ZNF189: variants seen among roughly 807,000 people sequenced by gnomAD.
The protein encoded by ZNF189 is zinc finger protein 189.
A neutral mutation model predicts 53.5 loss-of-function variants in ZNF189; 33 were observed. The ratio of observed to expected loss-of-function variants is 0.62; its 90% CI spans 0.47 to 0.82. ZNF189 has a LOEUF of 0.82. ZNF189 is among the 40% of genes least tolerant of loss of function. The probability of loss-of-function intolerance (pLI) is 0.00; values close to 1 mark genes in which losing one functional copy is unlikely to be tolerated. For synonymous variants in ZNF189, 247 were observed against 238.8 expected (o/e 1.03, Z -0.32); for missense variants, 711 against 753.9 (o/e 0.94, Z 0.67).
At chr9:101,403,403 A>G (rs17766676) in intron 2 of ZNF189, among the ~76,000 whole-genome samples, 12,151 of 152,124 alleles carry the variant, frequency 0.08, 555 homozygotes, top group Middle Eastern at 0.16. Context: ...CTTTGGTGAG[A>G]GCTCCCTTGA....
chr9:101,402,222 T>A (rs1170229598), intron 2 of ZNF189, among the ~76,000 whole-genome samples: 1 of 151,670 alleles, frequency 6.6e-6, no homozygotes, highest in African/African-American at 2.4e-5. Context: ...GGCCCAAATC[T>A]TTATTTCCAC....
rs770167996 is a variant in ZNF189, at chr9:101,399,979, G to C, written c.129G>C (p.Met43Ile). The change falls in exon 2 of 3, where the codon ATG (methionine) becomes ATC (isoleucine). Residue 43 changes from methionine (M) to isoleucine (I), a missense_variant. Physicochemically the swap from Met to Ile is conservative, Grantham distance 10. Coordinates refer to ENST00000339664, the MANE Select transcript of ZNF189 (RefSeq NM_003452.4). ...PAQRSLYKDV[M>I]MENYGNLVSL... Reference sequence around the variant, plus strand: ...AGAGAAGCCTGTATAAAGATGTCATGATGGAGAATTATGGAAACCTGGTCT... The same window carrying C: ...AGAGAAGCCTGTATAAAGATGTCATCATGGAGAATTATGGAAACCTGGTCT... 1.2e-6 allele frequency: 2 copies of C among 1,614,018 alleles called. No homozygotes were observed. Among genetic ancestry groups the C allele is most frequent in the South Asian group, 2.2e-5 (2 of 91,082 alleles).
chr9:101,408,476 G>A lies in ZNF189; in HGVS notation c.708G>A (p.Gln236=), dbSNP rs1830803750. ...GAGAAAGACCCTATCAGTGTAATCA[G>A]TGTAAACAGAGCTTCAGCCAGAGAA... The part of the protein sequence containing the change: ...HTGERPYQCN[Q]CKQSFSQRRS... Residue 236 remains glutamine, a synonymous_variant, in exon 3 of 3, where the codon CAG becomes CAA. Coordinates refer to ENST00000339664, the MANE Select transcript of ZNF189 (RefSeq NM_003452.4). The A allele has an allele frequency of 1.9e-6, 3 of 1,614,012 alleles. No individual in the cohort carries two copies. The highest frequency in any genetic ancestry group is 2.5e-6 in the Non-Finnish European group (3 of 1,180,030).
intron 2 of ZNF189, among the ~76,000 whole-genome samples, chr9:101,406,313 G>A (rs962014497): frequency 5.3e-5 from 8 of 152,146 alleles, no homozygotes; most frequent in African/African-American, 1.9e-4. Flanking sequence ...TGGTAGGAAA[G>A]TGTCAATAGA....
At position 101,409,056 on chromosome 9, in the gene ZNF189, T is replaced by A; in HGVS notation, c.1288T>A (p.Tyr430Asn). 6.2e-7 allele frequency: 1 copy of A among 1,614,108 alleles called. No individual in the cohort carries two copies. Among genetic ancestry groups the A allele is most frequent in the Non-Finnish European group, 8.5e-7 (1 of 1,180,002 alleles). The change falls in exon 3 of 3, where the codon TAC becomes AAC. Residue 430 changes from tyrosine to asparagine, a missense_variant. Coordinates refer to ENST00000339664, the MANE Select transcript of ZNF189 (RefSeq NM_003452.4). ...RIHTREKTYP[Y>N]NETKESFDPN... ...TCACACCAGGGAGAAGACTTATCCA[T>A]ACAATGAAACTAAGGAAAGTTTTGA...
chr9:101,402,258 C>T (rs1830564780), intron 2 of ZNF189, among the ~76,000 whole-genome samples: 1 of 151,850 alleles, frequency 6.6e-6, no homozygotes, highest in African/African-American at 2.4e-5. Context: ...TGGAGCCTAA[C>T]TGCCTAGGTT....
intron 2 of ZNF189, among the ~76,000 whole-genome samples, chr9:101,405,849 G>A (rs888225911): frequency 6.6e-6 from 1 of 152,100 alleles, no homozygotes; most frequent in Non-Finnish European, 1.5e-5. Flanking sequence ...GCTGAGGTGG[G>A]TGGATCACCT....
At chr9:101,399,511 C>T in intron 1 of ZNF189, 1 of 1,283,594 alleles carries the variant, frequency 7.8e-7, no homozygotes, top group Non-Finnish European at 9.8e-7. Context: ...CTGTTCCTGG[C>T]ACAGTGCCTG....
intron 2 of ZNF189, among the ~76,000 whole-genome samples, chr9:101,404,078 G>A (rs1404383003): frequency 6.6e-6 from 1 of 152,158 alleles, no homozygotes; most frequent in Non-Finnish European, 1.5e-5. Context: ...TAGAAAAATT[G>A]GCCATGACCA....
chr9:101,409,292 T>C lies in ZNF189; in HGVS notation c.1524T>C (p.Gly508=). Residue 508 remains glycine (G), a synonymous_variant, in exon 3 of 3, where the codon GGT becomes GGC. Coordinates refer to ENST00000339664, the MANE Select transcript of ZNF189 (RefSeq NM_003452.4). ...TTGAACATCAGAGAATCCACACTGG[T>C]GAGAGACCCTATCTGTGCAGACAGT... ...FLIEHQRIHT[G]ERPYLCRQCG... The C allele has an allele frequency of 1.9e-6, 3 of 1,614,134 alleles. No individual in the cohort carries two copies. The highest frequency in any genetic ancestry group is 1.7e-6 in the Non-Finnish European group (2 of 1,180,008).
rs1342737367 is a variant in ZNF189 at position 101,400,073 on chromosome 9, G to A, written c.160+63G>A. On this transcript the variant is annotated intron_variant, in intron 2 of 2. Transcript: ENST00000339664. ...AAGGTAGAGAGAAATCAGACTAACA[G>A]AACATTTGGACGGAAACCAGTACCA... 1.8e-5 allele frequency: 29 copies of A among 1,584,872 alleles called. No homozygotes were observed. In the East Asian group the frequency reaches 5.8e-4, roughly 32 times the overall value.
Position 101,409,193 on chromosome 9 carries a change from A to C in ZNF189, c.1425A>C (p.Gln475His). 1 of 1,614,054 alleles carries C rather than the reference A, an allele frequency of 6.2e-7. No homozygotes were observed. The highest frequency in any genetic ancestry group is 1.1e-5 in the South Asian group (1 of 91,084). ...FSVSAHLVQHQRIHTGEKPYL... is the reference protein window; with the variant it reads ...FSVSAHLVQHHRIHTGEKPYL... ...TTAGTGCTCATCTTGTACAACATCA[A>C]AGAATCCACACTGGTGAAAAGCCCT... Residue 475 changes from glutamine (Q) to histidine (H), a missense_variant, in exon 3 of 3, where the codon CAA becomes CAC. Transcript: ENST00000339664.
intron 2 of ZNF189, among the ~76,000 whole-genome samples, chr9:101,405,236 T>TTTTTTA (rs1830669545): frequency 1.3e-5 from 2 of 152,152 alleles, no homozygotes; most frequent in Non-Finnish European, 2.9e-5. Flanking sequence ...TTGAGTAGAA[T>TTTTTTA]TCTGTTTTAT....
chr9:101,408,619 G>T lies in ZNF189; in HGVS notation c.851G>T (p.Gly284Val). ...ATTGAGCATCAAAGAACTCACACTG[G>T]TGAGAAACCTTATCACTGTACCAAA... Reference protein sequence around the residue: ...HLIEHQRTHTGEKPYHCTKCK... With the variant: ...HLIEHQRTHTVEKPYHCTKCK... The change falls in exon 3 of 3, where the codon GGT becomes GTT. Residue 284 changes from glycine (G) to valine (V), a missense_variant. Gly to Val is a moderately radical substitution (Grantham distance 109). Transcript: ENST00000339664. 6.2e-7 allele frequency: 1 copy of T among 1,614,046 alleles called. No homozygotes were observed. Among genetic ancestry groups the T allele is most frequent in the Non-Finnish European group, 8.5e-7 (1 of 1,180,014 alleles).
chr9:101,401,292 C>G (rs1008795656), intron 2 of ZNF189, among the ~76,000 whole-genome samples: 3 of 152,124 alleles, frequency 2.0e-5, no homozygotes, highest in African/African-American at 7.2e-5. Flanking sequence ...AAAAGCTTAT[C>G]CATCATTAAG....
At chr9:101,405,987 C>T (rs992473884) in intron 2 of ZNF189, among the ~76,000 whole-genome samples, 4 of 151,310 alleles carry the variant, frequency 2.6e-5, no homozygotes, top group Non-Finnish European at 5.9e-5. Flanking sequence ...ATTGCTTGAA[C>T]CCGCGAGGTG....
intron 2 of ZNF189, among the ~76,000 whole-genome samples, chr9:101,405,077 CACAA>C (rs773241844): frequency 5.3e-5 from 8 of 152,132 alleles, no homozygotes; most frequent in Non-Finnish European, 1.2e-4. Context: ...AAGACTGTAA[CACAA>C]ACAATTTGCC....
Position 101,410,188 on chromosome 9 carries a change from T to TTC in ZNF189, c.*540_*541dup, listed in dbSNP as rs1564073669. 1.3e-5 allele frequency: 2 copies of TTC among 153,008 alleles called. No individual in the cohort carries two copies. Among genetic ancestry groups the TTC allele is most frequent in the Admixed American group, 6.5e-5 (1 of 15,294 alleles). 9.5% of individuals were successfully genotyped at this position (153,008 alleles called of 1,614,324 possible). A position where few individuals can be genotyped will look rare whatever the true frequency, so the allele number is the denominator to read the frequency against. Reference sequence around the variant, plus strand: ...TGTTTGGCATGTGAGTTAAAGGCAGTTCCAATGCCTGATGGTTCCCAGATC... The same window carrying TTC: ...TGTTTGGCATGTGAGTTAAAGGCAGTTCTCCAATGCCTGATGGTTCCCAGATC... On this transcript the variant is annotated 3_prime_UTR_variant, in exon 3 of 3. Coordinates refer to ENST00000339664, the MANE Select transcript of ZNF189 (RefSeq NM_003452.4).
Position 101,408,376 on chromosome 9 carries a change from C to T in ZNF189, c.608C>T (p.Pro203Leu). The T allele has an allele frequency of 6.2e-7, 1 of 1,614,018 alleles. No individual in the cohort carries two copies. Among genetic ancestry groups the T allele is most frequent in the Non-Finnish European group, 8.5e-7 (1 of 1,180,022 alleles). Reference protein sequence around the residue: ...EHQRIHTGERPYECNYCGKTF... With the variant: ...EHQRIHTGERLYECNYCGKTF... Reference sequence around the variant, plus strand: ...CAGAGAATTCACACTGGGGAAAGGCCCTATGAGTGTAATTACTGTGGAAAA... The same window carrying T: ...CAGAGAATTCACACTGGGGAAAGGCTCTATGAGTGTAATTACTGTGGAAAA... The change falls in exon 3 of 3, where the codon CCC becomes CTC. Residue 203 changes from proline (P) to leucine (L), a missense_variant. Pro to Leu is a moderately conservative substitution (Grantham distance 98). Coordinates refer to ENST00000339664, the MANE Select transcript of ZNF189 (RefSeq NM_003452.4).
Sources: gnomAD v4.1 joint callset for allele counts (sites outside exome capture counted in the v4.1 genomes callset) on GRCh38, gnomAD v4.1.1 for gene constraint, MANE v1.5 for transcripts, NCBI Gene and HGNC (gene_info 2026-07-23, HGNC 2026-07-21) for gene names.